Variants in LRRC69 observed in about 807,000 individuals in gnomAD.
LRRC69 encodes the protein leucine rich repeat containing 69.
A neutral mutation model predicts 37.8 loss-of-function variants in LRRC69; 42 were observed. That is an observed-to-expected ratio of 1.11 (90% CI 0.87 to 1.44). LRRC69 has a LOEUF of 1.44. Among genes scored for constraint, LRRC69 ranks in the 40% most tolerant of loss-of-function variants. The pLI is 0.00. For synonymous variants in LRRC69, 141 were observed against 143.1 expected, an observed-to-expected ratio of 0.99 and a Z score of 0.11; for missense variants, 357 against 401.9, an observed-to-expected ratio of 0.89 and a Z score of 0.96.
intron 1 of LRRC69, among the ~76,000 whole-genome samples, chr8:91,113,632 C>T (rs1813449718): frequency 2.0e-5 from 3 of 151,816 alleles, no homozygotes; most frequent in Admixed American, 1.3e-4. Flanking sequence ...TAGGGAAAAA[C>T]TTCTTGACAT....
intron 7 of LRRC69, among the ~76,000 whole-genome samples, chr8:91,208,945 A>G (rs957085927): frequency 3.9e-5 from 6 of 152,156 alleles, no homozygotes; most frequent in Admixed American, 6.5e-5. Flanking sequence ...CTTCTACACT[A>G]TTCTCTGGGC....
intron 5 of LRRC69, among the ~76,000 whole-genome samples, chr8:91,167,927 C>T (rs570972517): frequency 5.3e-5 from 8 of 151,884 alleles, no homozygotes; most frequent in African/African-American, 1.9e-4. Context: ...CTGTAGAGAT[C>T]CTTAAATTCC....
At chr8:91,103,515 G>A (rs1479014641) in intron 1 of LRRC69, among the ~76,000 whole-genome samples, 1 of 152,074 alleles carries the variant, frequency 6.6e-6, no homozygotes, top group East Asian at 1.9e-4. Context: ...TTGAGGTTGA[G>A]AGAAGGCAAG....
chr8:91,148,081 T>G (rs575112549), intron 5 of LRRC69, among the ~76,000 whole-genome samples: 13 of 151,584 alleles, frequency 8.6e-5, no homozygotes, highest in African/African-American at 3.1e-4. Flanking sequence ...GGTGTATGTG[T>G]ACCAATTTTT....
chr8:91,143,711 G>T (rs1210022154), intron 5 of LRRC69, among the ~76,000 whole-genome samples: 1 of 151,580 alleles, frequency 6.6e-6, no homozygotes, highest in South Asian at 2.1e-4. Flanking sequence ...TTTCCTTCAA[G>T]AATTCTTTAG....
chr8:91,176,134 A>ATTTTTTTTT (rs771986461), intron 5 of LRRC69, among the ~76,000 whole-genome samples: 5 of 75,702 alleles, frequency 6.6e-5, no homozygotes, highest in African/African-American at 3.0e-4. Context: ...ATATATATAT[A>ATTTTTTTTT]TTTTTTTTTT....
intron 6 of LRRC69, among the ~76,000 whole-genome samples, chr8:91,195,429 A>ATC (rs1462615996): frequency 1.3e-5 from 2 of 151,760 alleles, no homozygotes; most frequent in African/African-American, 4.8e-5. Context: ...GATCTGTCTA[A>ATC]TGTTGACAGT....
At chr8:91,154,626 C>G (rs201072737) in intron 5 of LRRC69, among the ~76,000 whole-genome samples, 6 of 151,684 alleles carry the variant, frequency 4.0e-5, no homozygotes, top group African/African-American at 1.4e-4. Context: ...GACAAAAACC[C>G]CATGATTATC....
intron 5 of LRRC69, among the ~76,000 whole-genome samples, chr8:91,136,672 T>C (rs1468442717): frequency 6.6e-6 from 1 of 152,030 alleles, no homozygotes; most frequent in East Asian, 1.9e-4. Flanking sequence ...CCATTCCCTT[T>C]GTACACCTAT....
chr8:91,105,049 G>C (rs1423749628), intron 1 of LRRC69, among the ~76,000 whole-genome samples: 4 of 151,878 alleles, frequency 2.6e-5, no homozygotes, highest in African/African-American at 9.7e-5. Flanking sequence ...TCCTTCACCA[G>C]GGAGCTGTCT....
intron 6 of LRRC69, among the ~76,000 whole-genome samples, chr8:91,190,309 G>C (rs1355988048): frequency 6.7e-6 from 1 of 150,192 alleles, no homozygotes; most frequent in Non-Finnish European, 1.5e-5. Flanking sequence ...AATAATACCT[G>C]TTTATTGCAG....
At position 91,206,404 on chromosome 8, in the gene LRRC69, T is replaced by C. The variant is rs116871939; in HGVS notation, c.933+5612T>C. ...CAGCTCATCGGTGGGAAAATGAGGA[T>C]AGAAATGTATGTTGGTCCTCAAGAT... On this transcript the variant is annotated intron_variant, in intron 7 of 7. Transcript: ENST00000448384. Among the ~76,000 whole-genome samples the C allele has an allele frequency of 9.9e-5, 15 of 152,260 alleles. No homozygotes were observed. The East Asian group carries it at 2.3e-3, about 24-fold the overall frequency.
At chr8:91,193,158 A>G (rs1273448365) in intron 6 of LRRC69, among the ~76,000 whole-genome samples, 5 of 129,660 alleles carry the variant, frequency 3.9e-5, no homozygotes, top group Non-Finnish European at 8.3e-5. Context: ...AGATAGTTGT[A>G]GATATGCGGC....
At chr8:91,160,999 A>G (rs1413959623) in intron 5 of LRRC69, among the ~76,000 whole-genome samples, 1 of 151,282 alleles carries the variant, frequency 6.6e-6, no homozygotes, top group Non-Finnish European at 1.5e-5. Context: ...AGTTTTTATC[A>G]TGACAAGGTG....
chr8:91,160,879 T>C (rs1808927489), intron 5 of LRRC69, among the ~76,000 whole-genome samples: 1 of 151,294 alleles, frequency 6.6e-6, no homozygotes, highest in Non-Finnish European at 1.5e-5. Flanking sequence ...AAAGCATTTT[T>C]CTTTTCCCTG....
chr8:91,135,600 T>C, intron 4 of LRRC69, 68 bp from the exon 5 acceptor site: 1 of 1,066,992 alleles, frequency 9.4e-7, no homozygotes, highest in Non-Finnish European at 1.3e-6. Context: ...TTTAAAAAAA[T>C]TTATGATTTT....
At chr8:91,119,854 C>T (rs1326025842) in intron 1 of LRRC69, among the ~76,000 whole-genome samples, 1 of 151,950 alleles carries the variant, frequency 6.6e-6, no homozygotes, top group Non-Finnish European at 1.5e-5. Flanking sequence ...TTCCTACTAC[C>T]CTTGATGAAG....
intron 7 of LRRC69, among the ~76,000 whole-genome samples, chr8:91,218,304 A>G (rs547661810): frequency 2.0e-4 from 31 of 152,138 alleles, no homozygotes; most frequent in East Asian, 3.9e-4. Flanking sequence ...TAAATGGTCA[A>G]TATATGTGCA....
intron 5 of LRRC69, among the ~76,000 whole-genome samples, chr8:91,164,158 T>G (rs1255718617): frequency 2.6e-5 from 4 of 151,634 alleles, no homozygotes; most frequent in Admixed American, 6.6e-5. Context: ...TTCTCTTGTT[T>G]TTTCTCCAAG....
Sources: allele counts gnomAD v4.1 joint callset (sites outside exome capture counted in the v4.1 genomes callset), GRCh38; gene constraint gnomAD v4.1.1; transcripts MANE v1.5; gene names NCBI Gene and HGNC (gene_info 2026-07-23, HGNC 2026-07-21).